FSD1L: variants seen among roughly 807,000 people sequenced by gnomAD.
FSD1L encodes FSD1-like protein.
FSD1L carries 45 observed loss-of-function variants against 71.6 expected under a neutral mutation model. That is an observed-to-expected ratio of 0.63 (90% CI 0.49 to 0.81). FSD1L has a LOEUF of 0.81. Ranked by LOEUF, FSD1L falls within the 30% of genes least tolerant of loss-of-function variation. The pLI is 0.00. For synonymous variants in FSD1L, 197 were observed against 207.2 expected (o/e 0.95, Z 0.42); for missense variants, 561 against 618.1 (o/e 0.91, Z 0.98).
At chr9:105,453,092 A>G (rs1030864281) in intron 1 of FSD1L, among the ~76,000 whole-genome samples, 1 of 146,474 alleles carries the variant, frequency 6.8e-6, no homozygotes, top group African/African-American at 2.5e-5. Flanking sequence ...TGTAGTGAAA[A>G]TAGTTGATAG....
At chr9:105,504,358 A>G (rs1372019068) in intron 7 of FSD1L, among the ~76,000 whole-genome samples, 2 of 152,230 alleles carry the variant, frequency 1.3e-5, no homozygotes, top group Non-Finnish European at 2.9e-5. Flanking sequence ...CTAATAAGTT[A>G]TATCCAATTC....
chr9:105,498,770 A>G (rs1368109537), intron 7 of FSD1L, among the ~76,000 whole-genome samples: 2 of 152,034 alleles, frequency 1.3e-5, no homozygotes, highest in Non-Finnish European at 2.9e-5. Flanking sequence ...TTCTTTGACT[A>G]TGTGTTGTTT....
chr9:105,445,417 G>T (rs1263534319), upstream of FSD1L, among the ~76,000 whole-genome samples: 1 of 152,124 alleles, frequency 6.6e-6, no homozygotes, highest in East Asian at 1.9e-4. Context: ...AGCTCCTGGG[G>T]TGTGGACTGT....
chr9:105,456,528 G>C (rs1000254835), intron 1 of FSD1L, among the ~76,000 whole-genome samples: 2 of 152,212 alleles, frequency 1.3e-5, no homozygotes, highest in African/African-American at 4.8e-5. Context: ...GTTGAAGAGA[G>C]TAACTTATAT....
intron 8 of FSD1L, 27 bp downstream of exon 8, chr9:105,506,635 C>T (rs1319337773): frequency 2.9e-6 from 4 of 1,379,068 alleles, no homozygotes; most frequent in East Asian, 5.0e-5. Flanking sequence ...TTAGGACTCT[C>T]ATTCTCAGAA....
At chr9:105,542,482 C>T (rs1836690771) in intron 13 of FSD1L, among the ~76,000 whole-genome samples, 1 of 152,124 alleles carries the variant, frequency 6.6e-6, no homozygotes, top group African/African-American at 2.4e-5. Context: ...AAGACAGGGT[C>T]TCGCTCTGTC....
rs1277341510 is a variant in FSD1L, at chr9:105,535,149, A to G, written c.1209A>G (p.Ala403=). The change falls in exon 12 of 14, where the codon GCA becomes GCG. Residue 403 remains alanine (A), a synonymous_variant. Transcript: ENST00000481272. ...KDCKSYSVGV[A]YKTLGKFDQL... is the part of the protein sequence containing the mutation. ...GTAAATCCTACAGTGTGGGAGTAGC[A>G]TACAAAACGTTGGGGAAATTTGACC... 1 of 1,551,988 alleles carries G rather than the reference A, an allele frequency of 6.4e-7. No individual in the cohort carries two copies. The highest frequency in any genetic ancestry group is 8.7e-7 in the Non-Finnish European group (1 of 1,147,012).
chr9:105,501,034 A>G (rs931016710), intron 7 of FSD1L, among the ~76,000 whole-genome samples: 4 of 152,196 alleles, frequency 2.6e-5, no homozygotes, highest in Non-Finnish European at 5.9e-5. Flanking sequence ...AAGGGAATCC[A>G]TTCATCAGAA....
chr9:105,485,544 T>G (rs577938476), intron 7 of FSD1L, among the ~76,000 whole-genome samples: 35 of 150,326 alleles, frequency 2.3e-4, no homozygotes, highest in African/African-American at 7.6e-4. Flanking sequence ...TTTTTTTTTT[T>G]TTTTTTTTTT....
At chr9:105,454,760 A>C (rs1010198728) in intron 1 of FSD1L, among the ~76,000 whole-genome samples, 1 of 152,126 alleles carries the variant, frequency 6.6e-6, no homozygotes, top group Non-Finnish European at 1.5e-5. Context: ...ATATGCTGTG[A>C]TATCTTAAAC....
intron 7 of FSD1L, among the ~76,000 whole-genome samples, chr9:105,492,408 G>T (rs1309976587): frequency 1.3e-5 from 2 of 151,916 alleles, no homozygotes; most frequent in Non-Finnish European, 2.9e-5. Context: ...TATTAGTCTT[G>T]CTAGGAGTCT....
intron 10 of FSD1L, among the ~76,000 whole-genome samples, chr9:105,533,416 C>CTTTTTTTTTTTTTTTGTTTTTTT (rs1836037041): frequency 3.4e-5 from 1 of 29,070 alleles, no homozygotes; most frequent in Non-Finnish European, 6.0e-5. Flanking sequence ...CCATTTCCAT[C>CTTTTTTTTTTTTTTTGTTTTTTT]TTTTTTTTTT....
chr9:105,526,150 C>G, intron 10 of FSD1L: 1 of 1,577,086 alleles, frequency 6.3e-7, no homozygotes, highest in East Asian at 2.2e-5. Context: ...TGGAAAGGTT[C>G]TACCCATTAT....
chr9:105,448,043 T>C lies in FSD1L; in HGVS notation c.-178T>C. On this transcript the variant is annotated 5_prime_UTR_variant, in exon 1 of 14. Transcript: ENST00000481272. ...CCTTCTGCGGGCCGCCCTTTCACCCTGGCAACCGCGGCGTGACTACGGCGC... is the reference window on the plus strand; with the variant it reads ...CCTTCTGCGGGCCGCCCTTTCACCCCGGCAACCGCGGCGTGACTACGGCGC... 1 of 685,196 alleles carries C rather than the reference T, an allele frequency of 1.5e-6. No individual in the cohort carries two copies. The highest frequency in any genetic ancestry group is 2.5e-6 in the Non-Finnish European group (1 of 393,346). The allele number at this position is 685,196 out of a possible 1,614,324, so 42.4% of individuals were successfully genotyped here.
intron 1 of FSD1L, among the ~76,000 whole-genome samples, chr9:105,452,416 C>T (rs1386110073): frequency 1.3e-5 from 2 of 152,202 alleles, no homozygotes; most frequent in Non-Finnish European, 2.9e-5. Flanking sequence ...GGTTAAGTGT[C>T]TTGTTCACAG....
chr9:105,543,191 T>G (rs1349188965), intron 13 of FSD1L, among the ~76,000 whole-genome samples: 1 of 152,154 alleles, frequency 6.6e-6, no homozygotes, highest in Non-Finnish European at 1.5e-5. Context: ...TATAATAATC[T>G]AGTTACTTAG....
rs987294546 is a variant in FSD1L, at chr9:105,468,875, T to C, written c.339+551T>C. On this transcript the variant is annotated intron_variant, in intron 4 of 13. Coordinates refer to ENST00000481272, the MANE Select transcript of FSD1L (RefSeq NM_001145313.3). ...TTCACATTTTTGTATAACAGATCTCTAGAATTTTTTCATCTTGTGCAAGTG... is the reference window on the plus strand; with the variant it reads ...TTCACATTTTTGTATAACAGATCTCCAGAATTTTTTCATCTTGTGCAAGTG... 2.0e-5 allele frequency among the ~76,000 whole-genome samples: 3 copies of C among 152,332 alleles called. No individual in the cohort carries two copies. In the East Asian group the frequency reaches 5.8e-4, roughly 29 times the overall value.
At chr9:105,476,071 A>G (rs550296291) in intron 5 of FSD1L, among the ~76,000 whole-genome samples, 1 of 152,332 alleles carries the variant, frequency 6.6e-6, no homozygotes, top group South Asian at 2.1e-4. Flanking sequence ...TCACAGAAGA[A>G]AATAGTTTCT....
intron 1 of FSD1L, among the ~76,000 whole-genome samples, chr9:105,452,531 G>A (rs1306594167): frequency 6.6e-6 from 1 of 152,090 alleles, no homozygotes; most frequent in Non-Finnish European, 1.5e-5. Context: ...GCATTTCAAT[G>A]GTGGTATGAT....
Sources: gnomAD v4.1 joint callset for allele counts (sites outside exome capture counted in the v4.1 genomes callset) on GRCh38, gnomAD v4.1.1 for gene constraint, MANE v1.5 for transcripts, NCBI Gene and HGNC (gene_info 2026-07-23, HGNC 2026-07-21) for gene names.